CDH13: variants seen among roughly 807,000 people sequenced by gnomAD.
The protein encoded by CDH13 is cadherin 13, also known as cadherin-13.
Under a neutral mutation model 63.8 loss-of-function variants are expected in CDH13, and 24 were observed. The ratio of observed to expected loss-of-function variants is 0.38; its 90% confidence interval spans 0.27 to 0.53. CDH13 has a LOEUF of 0.53. Among genes scored for constraint, CDH13 ranks in the 20% least tolerant of loss-of-function variants. CDH13 has a pLI of 0.85. For synonymous variants in CDH13, 503 were observed against 355.3 expected (o/e 1.42, Z -4.67); for missense variants, 1,049 against 903.1 (o/e 1.16, Z -2.07).
At chr16:83,618,662 A>G (rs957363109) in intron 8 of CDH13, among the ~76,000 whole-genome samples, 6 of 152,150 alleles carry the variant, frequency 3.9e-5, no homozygotes, top group African/African-American at 1.4e-4. Flanking sequence ...AGTTGGAGTT[A>G]AATTCCATCT....
At chr16:82,665,289 T>G (rs2150933038) in intron 1 of CDH13, among the ~76,000 whole-genome samples, 1 of 152,310 alleles carries the variant, frequency 6.6e-6, no homozygotes, top group African/African-American at 2.4e-5. Context: ...TGTGTCTGAC[T>G]GAGAAAATGC....
intron 7 of CDH13, among the ~76,000 whole-genome samples, chr16:83,513,503 G>A (rs2074623842): frequency 6.6e-6 from 1 of 152,124 alleles, no homozygotes; most frequent in African/African-American, 2.4e-5. Flanking sequence ...AGGTTTAATT[G>A]ACTCACACAC....
intron 5 of CDH13, among the ~76,000 whole-genome samples, chr16:83,341,936 T>C (rs17211371): frequency 0.072 from 10,887 of 150,750 alleles, 537 homozygotes; most frequent in Non-Finnish European, 0.11. Flanking sequence ...AGCTGAAACA[T>C]TCCCTCAGCA....
intron 7 of CDH13, among the ~76,000 whole-genome samples, chr16:83,589,250 C>T (rs1198469875): frequency 3.0e-5 from 4 of 132,962 alleles, no homozygotes; most frequent in South Asian, 3.0e-4. Context: ...TCCCTCTTCT[C>T]TCTCTTTCCC....
intron 8 of CDH13, among the ~76,000 whole-genome samples, chr16:83,643,688 G>A (rs924728637): frequency 1.3e-5 from 2 of 152,150 alleles, no homozygotes; most frequent in Non-Finnish European, 2.9e-5. Context: ...AGTAATCCAA[G>A]TCAGTTTGCA....
At chr16:82,692,999 T>A (rs1328385018) in intron 1 of CDH13, among the ~76,000 whole-genome samples, 3 of 152,170 alleles carry the variant, frequency 2.0e-5, no homozygotes, top group Non-Finnish European at 4.4e-5. Context: ...CTTGTTAGAT[T>A]CTCTCTCTTG....
chr16:83,522,657 A>G (rs1436979681), intron 7 of CDH13, among the ~76,000 whole-genome samples: 2 of 152,232 alleles, frequency 1.3e-5, no homozygotes, highest in Non-Finnish European at 2.9e-5. Flanking sequence ...AAACACCTGC[A>G]GCGTCATTTC....
At chr16:82,995,691 T>G (rs866247945) in intron 2 of CDH13, among the ~76,000 whole-genome samples, 12 of 152,232 alleles carry the variant, frequency 7.9e-5, no homozygotes, top group Middle Eastern at 3.4e-3. Flanking sequence ...ATTTTCAAAA[T>G]AGATGTGATA....
chr16:83,498,663 C>T (rs764572861), intron 7 of CDH13, among the ~76,000 whole-genome samples: 3 of 152,152 alleles, frequency 2.0e-5, no homozygotes, highest in Non-Finnish European at 4.4e-5. Context: ...CCCTATCAGC[C>T]CATCTCCAAA....
At chr16:82,769,391 T>G (rs890211215) in intron 1 of CDH13, among the ~76,000 whole-genome samples, 1 of 152,140 alleles carries the variant, frequency 6.6e-6, no homozygotes, top group African/African-American at 2.4e-5. Context: ...GATGGCAGGT[T>G]TTATATACTG....
At chr16:83,435,513 C>T (rs1047429694) in intron 6 of CDH13, among the ~76,000 whole-genome samples, 2 of 152,204 alleles carry the variant, frequency 1.3e-5, no homozygotes, top group Admixed American at 6.5e-5. Flanking sequence ...GCCCTGCTGC[C>T]TCTCTTCACT....
At chr16:83,574,132 A>C (rs1295112033) in intron 7 of CDH13, among the ~76,000 whole-genome samples, 1 of 152,216 alleles carries the variant, frequency 6.6e-6, no homozygotes, top group Admixed American at 6.5e-5. Flanking sequence ...CATGAGGTTC[A>C]GATGAGAGAG....
chr16:83,650,019 G>C (rs11149588), intron 8 of CDH13, among the ~76,000 whole-genome samples: 151,977 of 152,322 alleles, frequency 1, 75,816 homozygotes, highest in Middle Eastern at 1. Context: ...TGGAAAATGC[G>C]GTGTTTTAAT....
intron 6 of CDH13, among the ~76,000 whole-genome samples, chr16:83,365,819 G>C (rs963529420): frequency 6.6e-6 from 1 of 152,220 alleles, no homozygotes; most frequent in African/African-American, 2.4e-5. Flanking sequence ...CTGGCTTGCA[G>C]ATGGAATTGG....
intron 6 of CDH13, among the ~76,000 whole-genome samples, chr16:83,378,459 A>G (rs1006450024): frequency 2.6e-5 from 4 of 152,176 alleles, no homozygotes; most frequent in African/African-American, 4.8e-5. Flanking sequence ...CTGCAACGAT[A>G]ATATATGTGA....
intron 11 of CDH13, among the ~76,000 whole-genome samples, chr16:83,759,900 CA>C (rs141107474): frequency 0.27 from 39,829 of 148,594 alleles, 5,777 homozygotes; most frequent in Non-Finnish European, 0.34. Context: ...TGCACTCCAG[CA>C]TGGAGGACAG....
intron 1 of CDH13, among the ~76,000 whole-genome samples, chr16:82,848,929 A>G (rs1335314422): frequency 6.6e-6 from 1 of 152,222 alleles, no homozygotes; most frequent in Non-Finnish European, 1.5e-5. Context: ...ATGCAAAGGA[A>G]GAGTTCCTGA....
At position 83,153,178 on chromosome 16, in the gene CDH13, A is replaced by G. The variant is rs557238039; in HGVS notation, c.483+27677A>G. On this transcript the variant is annotated intron_variant, in intron 4 of 13. Coordinates refer to ENST00000567109, the MANE Select transcript of CDH13 (RefSeq NM_001257.5). ...TTTGGGGATCAGAGTTTTTAAAGACAATTTGGTGGGAGGGGAGGGGCAGTG... is the reference window on the plus strand; with the variant it reads ...TTTGGGGATCAGAGTTTTTAAAGACGATTTGGTGGGAGGGGAGGGGCAGTG... 2.0e-5 allele frequency among the ~76,000 whole-genome samples: 3 copies of G among 152,140 alleles called. No homozygotes were observed. The East Asian group carries it at 5.8e-4, about 29-fold the overall frequency.
intron 7 of CDH13, among the ~76,000 whole-genome samples, chr16:83,514,034 A>G (rs73605843): frequency 0.026 from 3,908 of 152,292 alleles, 165 homozygotes; most frequent in African/African-American, 0.09. Flanking sequence ...AGTAAAATGA[A>G]ACTATCTTGT....
Sources: allele counts gnomAD v4.1 joint callset (sites outside exome capture counted in the v4.1 genomes callset), GRCh38; gene constraint gnomAD v4.1.1; transcripts MANE v1.5; gene names NCBI Gene and HGNC (gene_info 2026-07-23, HGNC 2026-07-21).